PCDH9: variants seen among roughly 807,000 people sequenced by gnomAD.
PCDH9 encodes the protein protocadherin 9.
In PCDH9, 24 loss-of-function variants were observed where a neutral mutation model predicts 70.6. That is an observed-to-expected ratio of 0.34 (90% confidence interval 0.25 to 0.48). The LOEUF is 0.48. PCDH9 is among the 20% of genes least tolerant of loss of function. The pLI is 0.99. For missense variants in PCDH9, 1,281 were observed against 1,503.6 expected (o/e 0.85, Z 2.45); for synonymous variants, 562 against 558.5 (o/e 1.01, Z -0.09).
In PCDH9 at chr13:66,887,235, T is replaced by C. The variant is rs370300213; in HGVS notation, c.3138+16269A>G. Among the ~76,000 whole-genome samples the C allele has an allele frequency of 3.9e-5, 6 of 152,286 alleles. No homozygotes were observed. In the East Asian group the frequency reaches 5.8e-4, roughly 15 times the overall value. On this transcript the variant is annotated intron_variant, in intron 3 of 4. Coordinates refer to ENST00000377865, the MANE Select transcript of PCDH9 (RefSeq NM_203487.3). ...TGTCTGGGCAGTCTCCCAATAAAGC[T>C]GAGCAGCTTCAGTATCATTAGTGGG...
intron 2 of PCDH9, among the ~76,000 whole-genome samples, chr13:66,957,193 T>C (rs1290621509): frequency 1.3e-5 from 2 of 152,228 alleles, no homozygotes; most frequent in Non-Finnish European, 2.9e-5. Context: ...TGACTAATAT[T>C]GAGACTTCCC....
In PCDH9 at chr13:67,228,518, G is replaced by C. The variant is rs2138152203; in HGVS notation, c.-78C>G. On this transcript the variant is annotated 5_prime_UTR_variant, in exon 2 of 5. Coordinates refer to ENST00000377865, the MANE Select transcript of PCDH9 (RefSeq NM_203487.3). ...GAGGAATGATGCACAAATTGCAAGA[G>C]GAAGCGTGCATGGACTGGAGGATGC... The C allele has an allele frequency of 8.0e-7, 1 of 1,254,384 alleles. No homozygotes were observed. The highest frequency in any genetic ancestry group is 1.1e-6 in the Non-Finnish European group (1 of 908,598). 77.7% of individuals were successfully genotyped at this position (1,254,384 alleles called of 1,614,324 possible). A position where few individuals can be genotyped will look rare whatever the true frequency, so the allele number is the denominator to read the frequency against.
At chr13:66,836,970 A>G (rs17514196) in intron 3 of PCDH9, among the ~76,000 whole-genome samples, 7,769 of 152,272 alleles carry the variant, frequency 0.051, 307 homozygotes, top group South Asian at 0.087. Context: ...AGTATTTAAA[A>G]TGTGCCCAAG....
intron 2 of PCDH9, among the ~76,000 whole-genome samples, chr13:66,913,770 A>G (rs2082511266): frequency 6.6e-6 from 1 of 152,168 alleles, no homozygotes; most frequent in East Asian, 1.9e-4. Context: ...TGTTAAAGGG[A>G]CTGTAGGAAA....
At chr13:66,903,672 G>T in intron 2 of PCDH9, 67 bp from the exon 3 acceptor site, 1 of 686,648 alleles carries the variant, frequency 1.5e-6, no homozygotes, top group Non-Finnish European at 2.6e-6. Flanking sequence ...GAGAGACATG[G>T]CTGTTTGCTA....
chr13:66,826,714 T>C (rs1443044333), intron 3 of PCDH9, among the ~76,000 whole-genome samples: 1 of 151,020 alleles, frequency 6.6e-6, no homozygotes, highest in African/African-American at 2.4e-5. Flanking sequence ...AACTAAAGAG[T>C]GGGAAGAAAG....
chr13:66,961,015 T>A (rs966098904), intron 2 of PCDH9, among the ~76,000 whole-genome samples: 1 of 152,224 alleles, frequency 6.6e-6, no homozygotes, highest in Non-Finnish European at 1.5e-5. Flanking sequence ...CACATACTTT[T>A]GTGTATTCAA....
At chr13:67,135,708 G>A (rs937555870) in intron 2 of PCDH9, among the ~76,000 whole-genome samples, 2 of 152,100 alleles carry the variant, frequency 1.3e-5, no homozygotes, top group African/African-American at 2.4e-5. Flanking sequence ...AATTTACAAG[G>A]AGTCAATTAA....
At chr13:66,539,977 C>T (rs981803056) in intron 4 of PCDH9, among the ~76,000 whole-genome samples, 10 of 149,024 alleles carry the variant, frequency 6.7e-5, no homozygotes, top group Admixed American at 1.4e-4. Flanking sequence ...TCAAGCCATG[C>T]TCCTACCTTA....
chr13:67,149,156 T>C (rs1173165603), intron 2 of PCDH9, among the ~76,000 whole-genome samples: 1 of 152,142 alleles, frequency 6.6e-6, no homozygotes, highest in Admixed American at 6.6e-5. Context: ...AATATTAAGA[T>C]GAATAATTAC....
At chr13:66,794,407 C>T (rs1213169265) in intron 3 of PCDH9, among the ~76,000 whole-genome samples, 1 of 152,108 alleles carries the variant, frequency 6.6e-6, no homozygotes, top group Non-Finnish European at 1.5e-5. Flanking sequence ...TTAGCTCCAC[C>T]GTCATACATG....
At chr13:66,564,637 AT>A (rs1025978899) in intron 4 of PCDH9, among the ~76,000 whole-genome samples, 5 of 139,072 alleles carry the variant, frequency 3.6e-5, no homozygotes, top group African/African-American at 1.0e-4. Flanking sequence ...GAGTACCACG[AT>A]TTTTCCCCCT....
chr13:66,965,094 C>T (rs935188333), intron 2 of PCDH9, among the ~76,000 whole-genome samples: 3 of 151,708 alleles, frequency 2.0e-5, no homozygotes, highest in Non-Finnish European at 4.4e-5. Flanking sequence ...AAGAAAAAAA[C>T]ACACAGTTTA....
chr13:67,107,907 C>T (rs1439234952), intron 2 of PCDH9, among the ~76,000 whole-genome samples: 1 of 152,152 alleles, frequency 6.6e-6, no homozygotes, highest in Non-Finnish European at 1.5e-5. Context: ...CTGGTGTCTC[C>T]AAGCTTCTGG....
intron 4 of PCDH9, among the ~76,000 whole-genome samples, chr13:66,492,613 T>C (rs1959052165): frequency 6.6e-6 from 1 of 151,918 alleles, no homozygotes; most frequent in South Asian, 2.1e-4. Context: ...AGTAACAGTG[T>C]GAGCTGTCAG....
At chr13:66,529,683 GTTCACACTGATTTGT>G (rs1205227153) in intron 4 of PCDH9, among the ~76,000 whole-genome samples, 5 of 151,808 alleles carry the variant, frequency 3.3e-5, no homozygotes, top group African/African-American at 1.2e-4. Context: ...GTATTTAATA[GTTCACACTGATTTGT>G]TTTGCCTCTT....
chr13:66,522,220 G>A (rs1179462707), intron 4 of PCDH9, among the ~76,000 whole-genome samples: 1 of 151,394 alleles, frequency 6.6e-6, no homozygotes, highest in Admixed American at 6.6e-5. Flanking sequence ...GTAAAATCAA[G>A]GCATGGCATT....
chr13:66,393,922 G>T (rs1476138595), intron 4 of PCDH9, among the ~76,000 whole-genome samples: 3 of 152,176 alleles, frequency 2.0e-5, no homozygotes, highest in African/African-American at 7.2e-5. Context: ...GGCAAGAAAC[G>T]AGTGGAATCT....
intron 2 of PCDH9, among the ~76,000 whole-genome samples, chr13:67,011,074 C>A (rs2084442616): frequency 6.6e-6 from 1 of 151,916 alleles, no homozygotes; most frequent in South Asian, 2.1e-4. Flanking sequence ...CTTACAAATT[C>A]TGACTCTATT....
Sources: allele counts gnomAD v4.1 joint callset (sites outside exome capture counted in the v4.1 genomes callset), GRCh38; gene constraint gnomAD v4.1.1; transcripts MANE v1.5; gene names NCBI Gene and HGNC (gene_info 2026-07-23, HGNC 2026-07-21).